ETF1: variants seen among roughly 807,000 people sequenced by gnomAD.
ETF1 encodes eukaryotic translation termination factor 1, also known as eukaryotic peptide chain release factor subunit 1.
ETF1 carries 4 observed loss-of-function variants against 55.1 expected under a neutral mutation model. That is an observed-to-expected ratio of 0.07 (90% CI 0.04 to 0.17). The LOEUF (loss-of-function observed/expected upper bound fraction) is 0.17. Ranked by LOEUF, ETF1 falls within the 10% of genes least tolerant of loss-of-function variation. The pLI is 1.00. For synonymous variants in ETF1, 157 were observed against 182.3 expected (o/e 0.86, Z 1.12); for missense variants, 142 against 523.6 (o/e 0.27, Z 7.11).
chr5:138,518,608 A>G, intron 3 of ETF1, 84 bp downstream of exon 3: 2 of 1,139,614 alleles, frequency 1.8e-6, no homozygotes, highest in Non-Finnish European at 2.5e-6. Flanking sequence ...AGGGAACATT[A>G]GTGAACAAAG....
At chr5:138,522,441 G>A (rs182595614) in intron 2 of ETF1, among the ~76,000 whole-genome samples, 1 of 152,138 alleles carries the variant, frequency 6.6e-6, no homozygotes, top group African/African-American at 2.4e-5. Context: ...AAACAGTCTG[G>A]CAGTCCTTAG....
intron 4 of ETF1, chr5:138,513,960 T>C (rs1764915069): frequency 4.5e-6 from 4 of 894,174 alleles, no homozygotes; most frequent in South Asian, 1.0e-4. Context: ...GGCATGTAAA[T>C]ATAAAACCAG....
Position 138,508,284 on chromosome 5 carries a change from T to C in ETF1, c.*21A>G. On this transcript the variant is annotated 3_prime_UTR_variant, in exon 11 of 11. Transcript: ENST00000360541. Reference sequence around the variant, plus strand: ...GGATGCTGGAGGGTGAGGCACGTTTTGCCGGACCCATGTCGACTACCTAGT... The same window carrying C: ...GGATGCTGGAGGGTGAGGCACGTTTCGCCGGACCCATGTCGACTACCTAGT... The C allele has an allele frequency of 6.2e-7, 1 of 1,610,722 alleles. No individual in the cohort carries two copies. The highest frequency in any genetic ancestry group is 1.1e-5 in the South Asian group (1 of 90,530).
chr5:138,527,655 G>C (rs1273889930), intron 2 of ETF1, among the ~76,000 whole-genome samples: 1 of 152,150 alleles, frequency 6.6e-6, no homozygotes, highest in African/African-American at 2.4e-5. Flanking sequence ...TCATGCACAG[G>C]GAGAATACGA....
chr5:138,538,910 G>A (rs1305356856), intron 2 of ETF1, among the ~76,000 whole-genome samples: 1 of 152,174 alleles, frequency 6.6e-6, no homozygotes, highest in Non-Finnish European at 1.5e-5. Context: ...TATAATGTGA[G>A]GAATTCAGTG....
rs747534956 is a variant in ETF1, at chr5:138,511,515, G to A, written c.822C>T (p.Val274=). The part of the protein sequence containing the change: ...FNQAIELSTE[V]LSNVKFIQEK... ...CTTGAATGAATTTCACGTTGGAGAG[G>A]ACTTCAGTAGATAACTCAATAGCTT... The change falls in exon 7 of 11, where the codon GTC becomes GTT. Residue 274 remains valine, a synonymous_variant. Transcript: ENST00000360541. 3.1e-6 allele frequency: 5 copies of A among 1,613,386 alleles called. No individual in the cohort carries two copies. Among genetic ancestry groups the A allele is most frequent in the Non-Finnish European group, 4.2e-6 (5 of 1,179,852 alleles).
Position 138,506,299 on chromosome 5 carries a change from C to T in ETF1, c.*2006G>A, listed in dbSNP as rs542404014. 6.6e-6 allele frequency: 1 copy of T among 152,280 alleles called. No homozygotes were observed. Among genetic ancestry groups the T allele is most frequent in the Non-Finnish European group, 1.5e-5 (1 of 68,006 alleles). 9.4% of individuals were successfully genotyped at this position (152,280 alleles called of 1,614,324 possible). On this transcript the variant is annotated 3_prime_UTR_variant, in exon 11 of 11. Transcript: ENST00000360541. ...CAATATATAATGCAATATATATCACCGAAGAGAACACATTGATTAAAGAAA... is the reference window on the plus strand; with the variant it reads ...CAATATATAATGCAATATATATCACTGAAGAGAACACATTGATTAAAGAAA...
At chr5:138,513,732 C>T (rs763558454) in intron 4 of ETF1, 26 bp from the exon 5 acceptor site, 26 of 1,582,534 alleles carry the variant, frequency 1.6e-5, no homozygotes, top group South Asian at 5.6e-5. Context: ...AAGTACCACA[C>T]GGTGAATCCC....
At chr5:138,527,208 C>G (rs1352222056) in intron 2 of ETF1, among the ~76,000 whole-genome samples, 1 of 152,192 alleles carries the variant, frequency 6.6e-6, no homozygotes, top group Non-Finnish European at 1.5e-5. Flanking sequence ...TAGCTACTCT[C>G]AGATTGGCAG....
chr5:138,525,283 A>G (rs1216311146), intron 2 of ETF1, among the ~76,000 whole-genome samples: 1 of 151,476 alleles, frequency 6.6e-6, no homozygotes, highest in East Asian at 2.0e-4. Context: ...TCAGCCTCCC[A>G]AGTAGCTGGG....
At chr5:138,536,870 G>T (rs1765957734) in intron 2 of ETF1, among the ~76,000 whole-genome samples, 1 of 152,174 alleles carries the variant, frequency 6.6e-6, no homozygotes, top group African/African-American at 2.4e-5. Context: ...TGAAGAAAGG[G>T]TCCAACTGGT....
intron 2 of ETF1, among the ~76,000 whole-genome samples, chr5:138,522,879 G>A (rs557314134): frequency 4.9e-4 from 75 of 152,152 alleles, no homozygotes; most frequent in African/African-American, 1.5e-3. Context: ...AGTGGCAGGC[G>A]CCTGTAGTCT....
chr5:138,510,787 A>C, intron 8 of ETF1, 158 bp from the exon 9 acceptor site: 3 of 687,608 alleles, frequency 4.4e-6, no homozygotes, highest in Non-Finnish European at 5.4e-6. Flanking sequence ...TCTACTAGGT[A>C]CAATGCTTCA....
chr5:138,541,658 A>T (rs1766181118), intron 2 of ETF1: 1 of 1,506,308 alleles, frequency 6.6e-7, no homozygotes, highest in African/African-American at 1.4e-5. Context: ...AGAATGTCAA[A>T]TTCTTGTGCT....
At chr5:138,531,493 C>T (rs571254103) in intron 2 of ETF1, among the ~76,000 whole-genome samples, 5 of 152,278 alleles carry the variant, frequency 3.3e-5, no homozygotes, top group Admixed American at 1.3e-4. Flanking sequence ...TTTACCAGCC[C>T]GAACACTCAC....
At chr5:138,518,605 A>AAAGCACC (rs1765116290) in intron 3 of ETF1, 87 bp downstream of exon 3, 2 of 1,113,330 alleles carry the variant, frequency 1.8e-6, no homozygotes, top group Non-Finnish European at 2.6e-6. Flanking sequence ...TTAAGGGAAC[A>AAAGCACC]TTAGTGAACA....
intron 2 of ETF1, among the ~76,000 whole-genome samples, chr5:138,538,671 A>G (rs76604116): frequency 1.4e-5 from 2 of 143,434 alleles, no homozygotes; most frequent in African/African-American, 2.7e-5. Flanking sequence ...ATAGTGAGGG[A>G]AAAAAAAAAA....
chr5:138,509,982 C>T (rs1366250766), intron 9 of ETF1, among the ~76,000 whole-genome samples: 1 of 150,720 alleles, frequency 6.6e-6, no homozygotes, highest in Admixed American at 6.6e-5. Context: ...ATTGCCTGAG[C>T]CCAGGGGTTC....
At chr5:138,535,191 C>G (rs564722063) in intron 2 of ETF1, among the ~76,000 whole-genome samples, 5 of 152,064 alleles carry the variant, frequency 3.3e-5, no homozygotes, top group Non-Finnish European at 5.9e-5. Flanking sequence ...CCTCAGTGAT[C>G]TACCTGCCTA....
Sources: allele counts gnomAD v4.1 joint callset (sites outside exome capture counted in the v4.1 genomes callset), GRCh38; gene constraint gnomAD v4.1.1; transcripts MANE v1.5; gene names NCBI Gene and HGNC (gene_info 2026-07-23, HGNC 2026-07-21).